CTNNA3: variants seen among roughly 807,000 people sequenced by gnomAD.
The protein encoded by CTNNA3 is catenin alpha-3.
In CTNNA3, 76 loss-of-function variants were observed where a neutral mutation model predicts 95.7. The ratio of observed to expected loss-of-function variants is 0.79; its 90% confidence interval spans 0.66 to 0.96. The LOEUF (loss-of-function observed/expected upper bound fraction) is 0.96, where lower values mean the gene tolerates loss of function less well. CTNNA3 is among the 40% of genes least tolerant of loss of function. The pLI is 0.00. For missense variants in CTNNA3, 1,191 were observed against 1,089.8 expected (o/e 1.09, Z -1.31); for synonymous variants, 431 against 374.4 (o/e 1.15, Z -1.74).
intron 15 of CTNNA3, among the ~76,000 whole-genome samples, chr10:66,021,870 G>A (rs1266679319): frequency 9.0e-5 from 2 of 22,340 alleles, no homozygotes. Context: ...TTTTTTTTTA[G>A]ATAGATAGGG....
intron 7 of CTNNA3, among the ~76,000 whole-genome samples, chr10:67,158,697 T>C (rs1433531705): frequency 6.6e-6 from 1 of 152,130 alleles, no homozygotes; most frequent in East Asian, 1.9e-4. Context: ...ATAATAAAAG[T>C]TATGATAGTA....
intron 11 of CTNNA3, among the ~76,000 whole-genome samples, chr10:66,491,408 T>C (rs1207789846): frequency 6.6e-6 from 1 of 152,210 alleles, no homozygotes; most frequent in African/African-American, 2.4e-5. Context: ...AAAATTTCTT[T>C]CAAAATTTCT....
intron 12 of CTNNA3, among the ~76,000 whole-genome samples, chr10:66,331,342 G>GTTTTTT (rs60709020): frequency 3.4e-4 from 27 of 80,338 alleles, no homozygotes; most frequent in East Asian, 4.1e-4. Context: ...CCCATTGTTT[G>GTTTTTT]TTTTTTTTTT....
In CTNNA3 at chr10:67,035,559, C is replaced by A. The variant is rs931782483; in HGVS notation, c.1047+144758G>T. 7.9e-5 allele frequency among the ~76,000 whole-genome samples: 12 copies of A among 152,002 alleles called. 1 individual carries two copies. Among genetic ancestry groups the A allele is most frequent in the African/African-American group, 2.2e-4 (9 of 41,390 alleles). On this transcript the variant is annotated intron_variant, in intron 7 of 17. Coordinates refer to ENST00000433211, the MANE Select transcript of CTNNA3 (RefSeq NM_013266.4). ...AATCAGTAAATTCTAACTCGGAGAACTTTTTGACACACAATTCCAAAAACC... is the reference window on the plus strand; with the variant it reads ...AATCAGTAAATTCTAACTCGGAGAAATTTTTGACACACAATTCCAAAAACC...
chr10:67,662,640 T>G (rs1167346722), intron 1 of CTNNA3, among the ~76,000 whole-genome samples: 1 of 152,198 alleles, frequency 6.6e-6, no homozygotes, highest in Non-Finnish European at 1.5e-5. Context: ...ATATAACATT[T>G]TTGAAAGGAC....
chr10:66,599,888 T>C (rs1159753255), intron 10 of CTNNA3, among the ~76,000 whole-genome samples: 4 of 152,022 alleles, frequency 2.6e-5, no homozygotes, highest in Non-Finnish European at 2.9e-5. Flanking sequence ...AGAGTAAGTG[T>C]ACATTCTCTT....
intron 7 of CTNNA3, among the ~76,000 whole-genome samples, chr10:66,777,525 A>G (rs769751640): frequency 6.6e-6 from 1 of 152,124 alleles, no homozygotes; most frequent in Admixed American, 6.6e-5. Flanking sequence ...CACAGCTCCT[A>G]CTCAGCATTC....
chr10:67,320,951 T>C (rs1841294556), intron 5 of CTNNA3, among the ~76,000 whole-genome samples: 1 of 152,212 alleles, frequency 6.6e-6, no homozygotes, highest in Admixed American at 6.5e-5. Context: ...TTTATTCAAT[T>C]TTTGCAAATT....
At position 65,913,176 on chromosome 10, in the gene CTNNA3, C is replaced by T. The variant is rs1292935801; in HGVS notation, c.*7154G>A. On this transcript the variant is annotated 3_prime_UTR_variant, in exon 18 of 18. Coordinates refer to ENST00000433211, the MANE Select transcript of CTNNA3 (RefSeq NM_013266.4). The stretch of plus-strand genomic sequence containing the variant: ...CTTCAGAGAGGTCACTACATTTAAG[C>T]TGTCAAAGTTGTTGTTGTAATACGA... 1 of 152,092 alleles carries T rather than the reference C, an allele frequency of 6.6e-6. No homozygotes were observed. 9.4% of individuals were successfully genotyped at this position (152,092 alleles called of 1,614,324 possible).
chr10:66,017,604 G>A (rs2079118703), intron 15 of CTNNA3, among the ~76,000 whole-genome samples: 3 of 152,182 alleles, frequency 2.0e-5, no homozygotes, highest in Middle Eastern at 3.4e-3. Context: ...CAGTGAGTTG[G>A]TGAATTAGGA....
At chr10:67,714,386 G>C (rs1461363514) in intron 1 of CTNNA3, among the ~76,000 whole-genome samples, 1 of 152,228 alleles carries the variant, frequency 6.6e-6, no homozygotes, top group East Asian at 1.9e-4. Context: ...GATCATTCTG[G>C]AGCTTTAAGA....
chr10:65,988,850 T>C, intron 15 of CTNNA3, 53 bp from the exon 16 acceptor site: 1 of 1,271,242 alleles, frequency 7.9e-7, no homozygotes, highest in Non-Finnish European at 1.1e-6. Flanking sequence ...AAATATATGT[T>C]AGCTACGATG....
intron 5 of CTNNA3, among the ~76,000 whole-genome samples, chr10:67,510,021 T>C (rs925206876): frequency 2.6e-5 from 4 of 152,220 alleles, no homozygotes; most frequent in Admixed American, 6.5e-5. Context: ...TATCCTTTCC[T>C]GACTTTTTCA....
chr10:66,943,991 C>T (rs566299005), intron 7 of CTNNA3, among the ~76,000 whole-genome samples: 8 of 152,222 alleles, frequency 5.3e-5, no homozygotes, highest in African/African-American at 1.7e-4. Context: ...TGGCTGCAGA[C>T]AGATCAGGGT....
chr10:66,979,141 T>C (rs768640050), intron 7 of CTNNA3, among the ~76,000 whole-genome samples: 3 of 151,946 alleles, frequency 2.0e-5, no homozygotes, highest in Non-Finnish European at 4.4e-5. Context: ...ATTTAATTTT[T>C]GTTTTTAGTA....
chr10:66,310,999 G>A (rs1052698813), intron 12 of CTNNA3, among the ~76,000 whole-genome samples: 2 of 152,186 alleles, frequency 1.3e-5, no homozygotes, highest in Admixed American at 1.3e-4. Flanking sequence ...TTTGGAAGTT[G>A]AATTAATTCA....
At position 67,016,190 on chromosome 10, in the gene CTNNA3, T is replaced by C. The variant is rs60214221; in HGVS notation, c.1047+164127A>G. ...AGTTTATCCACTGTTCCCTTTCTGATCGCTACTCCTCTTTGAATGAGATAG... is the reference window on the plus strand; with the variant it reads ...AGTTTATCCACTGTTCCCTTTCTGACCGCTACTCCTCTTTGAATGAGATAG... On this transcript the variant is annotated intron_variant, in intron 7 of 17. Coordinates refer to ENST00000433211, the MANE Select transcript of CTNNA3 (RefSeq NM_013266.4). 3.6e-3 allele frequency among the ~76,000 whole-genome samples: 541 copies of C among 152,312 alleles called. 3 individuals are homozygous for C. Among genetic ancestry groups the C allele is most frequent in the Middle Eastern group, 0.02 (6 of 294 alleles).
At chr10:67,699,673 C>A (rs886510759), upstream of CTNNA3, among the ~76,000 whole-genome samples, 6 of 152,228 alleles carry the variant, frequency 3.9e-5, no homozygotes, top group Non-Finnish European at 8.8e-5. Flanking sequence ...CAGCTCCGGT[C>A]TACAGCTCCC....
intron 3 of CTNNA3, among the ~76,000 whole-genome samples, chr10:67,573,399 T>C (rs1842038624): frequency 6.6e-6 from 1 of 152,070 alleles, no homozygotes; most frequent in Non-Finnish European, 1.5e-5. Context: ...AGTCTTGAGG[T>C]ACATGGAAGA....
Sources: gnomAD v4.1 joint callset for allele counts (sites outside exome capture counted in the v4.1 genomes callset) on GRCh38, gnomAD v4.1.1 for gene constraint, MANE v1.5 for transcripts, NCBI Gene and HGNC (gene_info 2026-07-23, HGNC 2026-07-21) for gene names.